ZBTB49: variants seen among roughly 807,000 people sequenced by gnomAD.
ZBTB49 encodes the protein zinc finger and BTB domain-containing protein 49.
Under a neutral mutation model 57.5 loss-of-function variants are expected in ZBTB49, and 43 were observed. The ratio of observed to expected loss-of-function variants is 0.75; its 90% CI spans 0.59 to 0.97. ZBTB49 has a LOEUF of 0.97. Ranked by LOEUF, ZBTB49 falls within the 50% of genes least tolerant of loss-of-function variation. The pLI, the probability that ZBTB49 is intolerant of heterozygous loss-of-function variation, is 0.00. For synonymous variants in ZBTB49, 369 were observed against 362.1 expected (o/e 1.02, Z -0.22); for missense variants, 938 against 947.7 (o/e 0.99, Z 0.13).
Position 4,292,489 on chromosome 4 carries a change from C to T in ZBTB49, c.-20+2137C>T, listed in dbSNP as rs188372572. On this transcript the variant is annotated intron_variant, in intron 1 of 7. Transcript: ENST00000337872. ...TGAAGAGTAGGGAACACATCTGTTC[C>T]GTTTGTCAGCATTCCATCCTCGCGA... Among the ~76,000 whole-genome samples, 59 of 152,270 alleles carry T rather than the reference C, an allele frequency of 3.9e-4. No individual in the cohort carries two copies. The South Asian group carries it at 0.011, about 29-fold the overall frequency.
rs972741431 is a variant in ZBTB49 at position 4,320,840 on chromosome 4, C to G, written c.1822C>G (p.Leu608Val). 1.9e-6 allele frequency: 3 copies of G among 1,614,216 alleles called. No homozygotes were observed. The highest frequency in any genetic ancestry group is 1.7e-5 in the Admixed American group (1 of 60,034). The change falls in exon 8 of 8, where the codon CTC (leucine) becomes GTC (valine). Residue 608 changes from leucine (L) to valine (V), a missense_variant. Physicochemically the swap from Leu to Val is conservative, Grantham distance 32. Coordinates refer to ENST00000337872, the MANE Select transcript of ZBTB49 (RefSeq NM_145291.4). ...ELSQAIETSD[L>V]EKSQSSDSFS... The stretch of plus-strand genomic sequence containing the variant: ...CAGCCAAGCCATCGAGACCTCCGAC[C>G]TCGAGAAATCTCAGAGCTCAGACTC...
At position 4,321,539 on chromosome 4, in the gene ZBTB49, G is replaced by T; in HGVS notation, c.*223G>T. The T allele has an allele frequency of 1.7e-6, 1 of 576,380 alleles. No homozygotes were observed. Among genetic ancestry groups the T allele is most frequent in the Non-Finnish European group, 3.0e-6 (1 of 329,366 alleles). 35.7% of individuals were successfully genotyped at this position (576,380 alleles called of 1,614,324 possible). On this transcript the variant is annotated 3_prime_UTR_variant, in exon 8 of 8. Transcript: ENST00000337872. ...GGCAGCCGCGGGAGGGAGCGCTGAC[G>T]TCACAGAAGCGAAGGCTTGATGCTG...
At chr4:4,297,773 CAAAAA>C (rs554296344) in intron 1 of ZBTB49, among the ~76,000 whole-genome samples, 3 of 115,722 alleles carry the variant, frequency 2.6e-5, no homozygotes, top group South Asian at 2.7e-4. Context: ...GATCCTGTTT[CAAAAA>C]AAAAAAAAAA....
intron 3 of ZBTB49, among the ~76,000 whole-genome samples, chr4:4,305,155 A>T (rs1720681571): frequency 2.1e-5 from 1 of 47,610 alleles, no homozygotes; most frequent in Non-Finnish European, 4.3e-5. Flanking sequence ...TGTAATTATT[A>T]ATTTATTATT....
Position 4,295,155 on chromosome 4 carries a change from C to T in ZBTB49, c.-19-4772C>T, listed in dbSNP as rs552272366. On this transcript the variant is annotated intron_variant, in intron 1 of 7. Coordinates refer to ENST00000337872, the MANE Select transcript of ZBTB49 (RefSeq NM_145291.4). ...TTATCACACTGCTATAAAGTTGCTA[C>T]CTGAGACTGAGTAATTTATAAAGGA... 2.0e-5 allele frequency among the ~76,000 whole-genome samples: 3 copies of T among 152,192 alleles called. No individual in the cohort carries two copies. In the South Asian group the frequency reaches 6.2e-4, roughly 32 times the overall value.
chr4:4,306,076 CAA>C lies in ZBTB49; in HGVS notation c.1256-57_1256-56del, dbSNP rs909995733. The C allele has an allele frequency of 1.0e-4, 159 of 1,525,014 alleles. No individual in the cohort carries two copies. The Middle Eastern group carries it at 1.1e-3, about 11-fold the overall frequency. The allele number at this position is 1,525,014 out of a possible 1,614,324, so 94.5% of individuals were successfully genotyped here. A position where few individuals can be genotyped will look rare whatever the true frequency, so the allele number is the denominator to read the frequency against. ...GAAAGTACATAGGAGGTCATTTAAA[CAA>C]AAAATTATTGAACAAATACTAGTAA... is the stretch of plus-strand genomic sequence containing the variant. On this transcript the variant is annotated intron_variant, in intron 3 of 7. Transcript: ENST00000337872.
rs1186851458 is a variant in ZBTB49 at position 4,320,950 on chromosome 4, T to G, written c.1932T>G (p.Phe644Leu). 2 of 1,614,228 alleles carry G rather than the reference T, an allele frequency of 1.2e-6. No individual in the cohort carries two copies. Among genetic ancestry groups the G allele is most frequent in the Admixed American group, 3.3e-5 (2 of 60,028 alleles). The change falls in exon 8 of 8, where the codon TTT becomes TTG. Residue 644 changes from phenylalanine to leucine, a missense_variant. Coordinates refer to ENST00000337872, the MANE Select transcript of ZBTB49 (RefSeq NM_145291.4). ...VHPVENSVAE[F>L]DSHSGGSYCK... ...CAGTGGAAAATTCTGTGGCAGAATT[T>G]GATAGCCACTCTGGCGGCTCCTATT... is the stretch of plus-strand genomic sequence containing the variant.
At chr4:4,299,903 C>G (rs768665923) in intron 1 of ZBTB49, 24 bp from the exon 2 acceptor site, 5 of 1,606,860 alleles carry the variant, frequency 3.1e-6, no homozygotes, top group Non-Finnish European at 2.6e-6. Context: ...GAATATCTGT[C>G]GTATCTGTGA....
At chr4:4,312,931 A>C (rs1721036184) in intron 4 of ZBTB49, 110 bp from the exon 5 acceptor site, 1 of 1,209,688 alleles carries the variant, frequency 8.3e-7, no homozygotes. Context: ...CTTCATCTGG[A>C]ATTTGAATTG....
intron 7 of ZBTB49, 62 bp downstream of exon 7, chr4:4,316,032 G>C: frequency 6.9e-6 from 11 of 1,582,788 alleles, no homozygotes; most frequent in Non-Finnish European, 8.6e-6. Flanking sequence ...TTGTCCCCCA[G>C]CCCTCATTAG....
Position 4,304,327 on chromosome 4 carries a change from T to C in ZBTB49, c.1255+1236T>C, listed in dbSNP as rs559982995. On this transcript the variant is annotated intron_variant, in intron 3 of 7. Transcript: ENST00000337872. ...TGCAACCTCTGCCTCCTGGGTTCAA[T>C]TGATTCTCCTGCCTGAGCCTCCCGA... is the stretch of plus-strand genomic sequence containing the variant. Among the ~76,000 whole-genome samples, 4 of 151,948 alleles carry C rather than the reference T, an allele frequency of 2.6e-5. No homozygotes were observed. In the South Asian group the frequency reaches 6.2e-4, roughly 24 times the overall value.
In ZBTB49 at chr4:4,315,803, C is replaced by T. The variant is rs1560115962; in HGVS notation, c.1460-6C>T. On this transcript the variant is annotated splice_region_variant and splice_polypyrimidine_tract_variant and intron_variant, in intron 6 of 7. Transcript: ENST00000337872. ...TTCAGCTTAACACCTGTTATGGTCT[C>T]TCTAGGGTTTAGTAACTTCAGTAAT... 1 of 1,614,082 alleles carries T rather than the reference C, an allele frequency of 6.2e-7. No individual in the cohort carries two copies. The highest frequency in any genetic ancestry group is 8.5e-7 in the Non-Finnish European group (1 of 1,180,046).
At position 4,313,037 on chromosome 4, in the gene ZBTB49, G is replaced by T; in HGVS notation, c.1303-4G>T. On this transcript the variant is annotated splice_region_variant and splice_polypyrimidine_tract_variant and intron_variant, in intron 4 of 7. Coordinates refer to ENST00000337872, the MANE Select transcript of ZBTB49 (RefSeq NM_145291.4). ...GGTGTGTTTTTCTTTTCCTCTTTTT[G>T]CAGGCAGGTAACTTGCAGACTCACT... 1 of 1,611,950 alleles carries T rather than the reference G, an allele frequency of 6.2e-7. No individual in the cohort carries two copies.
At chr4:4,313,154 GTCTAGTC>G in intron 5 of ZBTB49, 40 bp downstream of exon 5, 1 of 1,611,096 alleles carries the variant, frequency 6.2e-7, no homozygotes, top group Non-Finnish European at 8.5e-7. Flanking sequence ...AAGGGAGCAT[GTCTAGTC>G]TCAGTGTCTT....
At chr4:4,314,358 A>G (rs1036446564) in intron 5 of ZBTB49, among the ~76,000 whole-genome samples, 2 of 152,172 alleles carry the variant, frequency 1.3e-5, no homozygotes, top group Admixed American at 1.3e-4. Flanking sequence ...AAAGTGAGGC[A>G]TGTGTTTATT....
chr4:4,306,330 C>T (rs1720734471), intron 4 of ZBTB49, 146 bp downstream of exon 4: 11 of 695,222 alleles, frequency 1.6e-5, no homozygotes, highest in South Asian at 1.4e-4. Flanking sequence ...TAGGATAAAT[C>T]GTTTTCAAGA....
rs193073200 is a variant in ZBTB49, at chr4:4,319,479, A to C, written c.1622-1161A>C. 5.2e-3 allele frequency among the ~76,000 whole-genome samples: 794 copies of C among 152,286 alleles called. 3 individuals are homozygous for C. The highest frequency in any genetic ancestry group is 0.018 in the African/African-American group (739 of 41,544). ...GATCCCTTACCTTTACCATATTCAC[A>C]GAGAAAGAAAATAGAACCTGGACAG... On this transcript the variant is annotated intron_variant, in intron 7 of 7. Transcript: ENST00000337872.
rs1280709160 is a variant in ZBTB49, at chr4:4,299,937, T to C, written c.-9T>C. The stretch of plus-strand genomic sequence containing the variant: ...GATTTTTTGCTGTAGGTCACCTGAA[T>C]GGTTGAGCATGGACCCTGTTGCTAC... On this transcript the variant is annotated 5_prime_UTR_variant, in exon 2 of 8. It removes an upstream start codon present in the reference 5' UTR. Coordinates refer to ENST00000337872, the MANE Select transcript of ZBTB49 (RefSeq NM_145291.4). The C allele has an allele frequency of 6.2e-7, 1 of 1,613,508 alleles. No individual in the cohort carries two copies. The highest frequency in any genetic ancestry group is 8.5e-7 in the Non-Finnish European group (1 of 1,179,714).
chr4:4,294,377 G>C (rs944497372), intron 1 of ZBTB49, among the ~76,000 whole-genome samples: 1 of 152,096 alleles, frequency 6.6e-6, no homozygotes, highest in African/African-American at 2.4e-5. Context: ...ATTATTTTGA[G>C]ATGGAGTCTC....
Sources: gnomAD v4.1 joint callset for allele counts (sites outside exome capture counted in the v4.1 genomes callset) on GRCh38, gnomAD v4.1.1 for gene constraint, MANE v1.5 for transcripts, NCBI Gene and HGNC (gene_info 2026-07-23, HGNC 2026-07-21) for gene names.